PUM2: variants seen among roughly 807,000 people sequenced by gnomAD.
PUM2 encodes the protein pumilio homolog 2.
PUM2 carries 57 observed loss-of-function variants against 124.5 expected under a neutral mutation model. The ratio of observed to expected loss-of-function variants is 0.46; its 90% CI spans 0.37 to 0.57. The LOEUF is 0.57. Ranked by LOEUF, PUM2 falls within the 20% of genes least tolerant of loss-of-function variation. PUM2 has a pLI of 0.00. For missense variants in PUM2, 1,065 were observed against 1,290.6 expected, an observed-to-expected ratio of 0.83 and a Z score of 2.68; for synonymous variants, 460 against 446.1, an observed-to-expected ratio of 1.03 and a Z score of -0.39.
intron 13 of PUM2, among the ~76,000 whole-genome samples, chr2:20,277,910 G>A (rs1572670833): frequency 6.6e-6 from 1 of 152,196 alleles, no homozygotes; most frequent in Admixed American, 6.5e-5. Context: ...TATCTACATG[G>A]ATAAATACTT....
At chr2:20,259,147 C>CTA (rs1665576223) in intron 15 of PUM2, among the ~76,000 whole-genome samples, 1 of 152,208 alleles carries the variant, frequency 6.6e-6, no homozygotes, top group Admixed American at 6.5e-5. Context: ...TAACACACAT[C>CTA]TATAAATCCA....
chr2:20,278,898 T>C, intron 12 of PUM2, 79 bp from the exon 13 acceptor site: 1 of 983,466 alleles, frequency 1.0e-6, no homozygotes, highest in South Asian at 1.5e-5. Flanking sequence ...CGCTGGGCAA[T>C]AACAGAAGTG....
At chr2:20,305,749 A>T (rs963545308) in intron 7 of PUM2, among the ~76,000 whole-genome samples, 1 of 152,198 alleles carries the variant, frequency 6.6e-6, no homozygotes, top group African/African-American at 2.4e-5. Context: ...TTCATAGATA[A>T]CACTTTAAAG....
At chr2:20,337,118 T>A (rs1686282761) in intron 1 of PUM2, among the ~76,000 whole-genome samples, 1 of 152,068 alleles carries the variant, frequency 6.6e-6, no homozygotes. Flanking sequence ...GACATAAAAT[T>A]TTGAAGCGGG....
chr2:20,344,875 CA>C (rs1687915938), intron 1 of PUM2, among the ~76,000 whole-genome samples: 1 of 147,574 alleles, frequency 6.8e-6, no homozygotes, highest in Non-Finnish European at 1.5e-5. Flanking sequence ...CCCAGCTACT[CA>C]GGAGGCTGAG....
intron 8 of PUM2, among the ~76,000 whole-genome samples, chr2:20,296,717 C>CATT (rs1252542596): frequency 6.7e-6 from 1 of 149,660 alleles, no homozygotes; most frequent in Non-Finnish European, 1.5e-5. Context: ...CCTGTATAAT[C>CATT]AATATAAACA....
At position 20,334,547 on chromosome 2, in the gene PUM2, A is replaced by T. The variant is rs373314463; in HGVS notation, c.-18-7169T>A. On this transcript the variant is annotated intron_variant, in intron 1 of 20. Transcript: ENST00000361078. ...AAAGGGATTAGTGACTGTCTTAGCT[A>T]TGTAAACGTTCAACATTTAATGAAT... is the stretch of plus-strand genomic sequence containing the variant. 3.2e-4 allele frequency among the ~76,000 whole-genome samples: 49 copies of T among 152,308 alleles called. No homozygotes were observed. In the South Asian group the frequency reaches 1.0e-2, roughly 31 times the overall value.
intron 10 of PUM2, among the ~76,000 whole-genome samples, chr2:20,290,179 A>G (rs1188612450): frequency 6.6e-6 from 1 of 152,220 alleles, no homozygotes; most frequent in Non-Finnish European, 1.5e-5. Flanking sequence ...CACTGTTGCT[A>G]TTAAGTTATA....
intron 1 of PUM2, among the ~76,000 whole-genome samples, chr2:20,338,732 G>A (rs1257915100): frequency 6.6e-6 from 1 of 152,168 alleles, no homozygotes; most frequent in African/African-American, 2.4e-5. Flanking sequence ...TAATAGGGAA[G>A]GGAAATGATA....
intron 18 of PUM2, 31 bp downstream of exon 18, chr2:20,255,185 T>A (rs1664477930): frequency 1.3e-6 from 2 of 1,563,830 alleles, no homozygotes; most frequent in South Asian, 2.3e-5. Flanking sequence ...CAAAAATATA[T>A]AAACATTTCA....
intron 17 of PUM2, 43 bp downstream of exon 17, chr2:20,255,990 A>G (rs1440085424): frequency 2.0e-6 from 3 of 1,488,630 alleles, no homozygotes; most frequent in South Asian, 1.4e-5. Flanking sequence ...AAATTCTAAA[A>G]TAATGCCCTG....
At chr2:20,273,343 G>C (rs187451284) in intron 13 of PUM2, among the ~76,000 whole-genome samples, 2 of 152,232 alleles carry the variant, frequency 1.3e-5, no homozygotes, top group African/African-American at 4.8e-5. Context: ...TCTACTACGA[G>C]GCATTTTAAA....
rs554133981 is a variant in PUM2 at position 20,291,784 on chromosome 2, T to A, written c.1153-994A>T. On this transcript the variant is annotated intron_variant, in intron 9 of 20. Transcript: ENST00000361078. ...TATATGGGATCTTCATGTGCTACTC[T>A]GAACTGCTCTTTCAGTTACCTTTGA... Among the ~76,000 whole-genome samples, 61 of 152,234 alleles carry A rather than the reference T, an allele frequency of 4.0e-4. 1 individual carries two copies. The highest frequency in any genetic ancestry group is 1.3e-3 in the African/African-American group (52 of 41,514).
At chr2:20,276,324 T>A (rs1323353672) in intron 13 of PUM2, among the ~76,000 whole-genome samples, 2 of 149,336 alleles carry the variant, frequency 1.3e-5, no homozygotes, top group Non-Finnish European at 3.0e-5. Flanking sequence ...GAATCTCAAA[T>A]AACTAACACT....
chr2:20,338,903 A>G (rs993102312), intron 1 of PUM2, among the ~76,000 whole-genome samples: 20 of 152,206 alleles, frequency 1.3e-4, no homozygotes, highest in African/African-American at 4.6e-4. Flanking sequence ...TTTACATTAC[A>G]TTTTATAGTT....
Position 20,258,295 on chromosome 2 carries a change from T to C in PUM2, c.2432A>G (p.Tyr811Cys). The C allele has an allele frequency of 6.2e-7, 1 of 1,612,032 alleles. No individual in the cohort carries two copies. The change falls in exon 16 of 21, where the codon TAT becomes TGT. Residue 811 changes from tyrosine to cysteine, a missense_variant. This residue lies in a region of PUM2 where 968 missense variants were observed against 1,159.8 expected (regional missense o/e 0.83). Coordinates refer to ENST00000361078, the MANE Select transcript of PUM2 (RefSeq NM_015317.5). ...GHVLPLALQM[Y>C]GCRVIQKALE... ...TGCTTTCTGAATAACGCGGCAGCCA[T>C]ACATCTGCAAGGCTAAGGGTAGAAC...
intron 8 of PUM2, among the ~76,000 whole-genome samples, chr2:20,294,761 TATTCAA>T (rs1675111037): frequency 6.6e-6 from 1 of 152,244 alleles, no homozygotes; most frequent in South Asian, 2.1e-4. Flanking sequence ...CTTAACCATC[TATTCAA>T]CATTTAATGA....
intron 1 of PUM2, among the ~76,000 whole-genome samples, chr2:20,340,540 A>G (rs1411398227): frequency 6.6e-6 from 1 of 152,228 alleles, no homozygotes; most frequent in Non-Finnish European, 1.5e-5. Flanking sequence ...CTTACAACAC[A>G]CATCAGAGTC....
chr2:20,336,463 C>T (rs959918838), intron 1 of PUM2, among the ~76,000 whole-genome samples: 2 of 151,560 alleles, frequency 1.3e-5, no homozygotes, highest in African/African-American at 4.9e-5. Context: ...GCTAGCATTA[C>T]AGGAATGAGC....
Sources: gnomAD v4.1 joint callset for allele counts (sites outside exome capture counted in the v4.1 genomes callset) on GRCh38, gnomAD v4.1.1 for gene constraint, gnomAD v4.1.1 regional missense constraint, MANE v1.5 for transcripts, NCBI Gene and HGNC (gene_info 2026-07-23, HGNC 2026-07-21) for gene names.